HS2ST1: variants seen among roughly 807,000 people sequenced by gnomAD.
The protein encoded by HS2ST1 is heparan sulfate 2-O-sulfotransferase 1, also known as 2-O-sulfotransferase.
A neutral mutation model predicts 42.9 loss-of-function variants in HS2ST1; 18 were observed. The observed-to-expected ratio is 0.42, with a 90% CI of 0.29 to 0.62. The LOEUF (loss-of-function observed/expected upper bound fraction) is 0.62. HS2ST1 is among the 20% of genes least tolerant of loss of function. The pLI is 0.21. For synonymous variants in HS2ST1, 146 were observed against 152.9 expected (o/e 0.95, Z 0.33); for missense variants, 334 against 433.8 (o/e 0.77, Z 2.04).
chr1:87,046,242 G>A (rs1342361106), intron 1 of HS2ST1: 27 of 820,136 alleles, frequency 3.3e-5, no homozygotes, highest in East Asian at 5.8e-5. Flanking sequence ...TACTATCAAA[G>A]AGGGTGTGAC....
intron 1 of HS2ST1, among the ~76,000 whole-genome samples, chr1:86,961,156 C>T (rs1328379775): frequency 6.7e-6 from 1 of 148,532 alleles, no homozygotes; most frequent in Non-Finnish European, 1.5e-5. Context: ...AAAAAAAAAT[C>T]TACTTGGAGA....
intron 1 of HS2ST1, among the ~76,000 whole-genome samples, chr1:86,935,726 A>C (rs760353906): frequency 2.4e-4 from 36 of 151,982 alleles, no homozygotes; most frequent in Non-Finnish European, 2.8e-4. Context: ...GGCCTCCTAA[A>C]GTGCTGGAAT....
At chr1:87,064,823 G>A in intron 1 of HS2ST1, among the ~76,000 whole-genome samples, 1 of 152,080 alleles carries the variant, frequency 6.6e-6, no homozygotes, top group East Asian at 1.9e-4. Context: ...ACCACACTCA[G>A]CTAATTTTTA....
chr1:86,971,247 G>A (rs1648224111), intron 1 of HS2ST1, among the ~76,000 whole-genome samples: 2 of 152,012 alleles, frequency 1.3e-5, no homozygotes, highest in African/African-American at 2.4e-5. Flanking sequence ...CATTAGTGCT[G>A]TTAAGGCCTA....
At chr1:87,095,112 A>G (rs568220499) in intron 4 of HS2ST1, among the ~76,000 whole-genome samples, 1 of 152,106 alleles carries the variant, frequency 6.6e-6, no homozygotes, top group African/African-American at 2.4e-5. Context: ...GTTTATTGCA[A>G]ATAACTCCTT....
At chr1:87,057,700 A>T (rs2100619682) in intron 1 of HS2ST1, among the ~76,000 whole-genome samples, 1 of 151,992 alleles carries the variant, frequency 6.6e-6, no homozygotes, top group East Asian at 1.9e-4. Context: ...AAATACAAAA[A>T]ATTAGCCAGG....
intron 1 of HS2ST1, chr1:86,992,922 C>T (rs1649000714): frequency 1.6e-6 from 1 of 642,536 alleles, no homozygotes; most frequent in Admixed American, 3.3e-5. Flanking sequence ...AAAGTATGAG[C>T]TAACTGTAAT....
chr1:87,075,022 T>G (rs1175469165), intron 2 of HS2ST1, among the ~76,000 whole-genome samples: 2 of 152,108 alleles, frequency 1.3e-5, no homozygotes, highest in Non-Finnish European at 2.9e-5. Context: ...TCTAGTAAGC[T>G]TCATCTAAAT....
chr1:87,058,967 G>C (rs563948404), intron 1 of HS2ST1, among the ~76,000 whole-genome samples: 1 of 152,196 alleles, frequency 6.6e-6, no homozygotes, highest in African/African-American at 2.4e-5. Context: ...GTTGAGGCAG[G>C]AGAATGGCGT....
Position 87,084,197 on chromosome 1 carries a change from C to A in HS2ST1, c.367C>A (p.Arg123Ser), listed in dbSNP as rs371490979. 9 of 1,578,848 alleles carry A rather than the reference C, an allele frequency of 5.7e-6. No individual in the cohort carries two copies. Among genetic ancestry groups the A allele is most frequent in the South Asian group, 1.2e-5 (1 of 85,184 alleles). The change falls in exon 3 of 7, where the codon CGC becomes AGC. Residue 123 changes from arginine (R) to serine (S), a missense_variant. Coordinates refer to ENST00000370550, the MANE Select transcript of HS2ST1 (RefSeq NM_012262.4). ...NPVMSLQDQV[R>S]FVKNITSWKE... ...TGAATGTGTTCTCCCTTTTTAGGTGCGCTTTGTAAAGAATATAACTTCCTG... is the reference window on the plus strand; with the variant it reads ...TGAATGTGTTCTCCCTTTTTAGGTGAGCTTTGTAAAGAATATAACTTCCTG...
intron 1 of HS2ST1, among the ~76,000 whole-genome samples, chr1:86,977,907 T>C (rs1338445847): frequency 6.6e-6 from 1 of 152,252 alleles, no homozygotes; most frequent in African/African-American, 2.4e-5. Flanking sequence ...TACAGTCATG[T>C]ACCACATAAG....
intron 1 of HS2ST1, among the ~76,000 whole-genome samples, chr1:87,004,767 T>G (rs894197398): frequency 5.3e-5 from 8 of 152,194 alleles, no homozygotes; most frequent in Non-Finnish European, 1.0e-4. Flanking sequence ...GAGCTTCAAG[T>G]TTTTTGAAGA....
chr1:87,052,850 G>A (rs1268228592), intron 1 of HS2ST1, among the ~76,000 whole-genome samples: 1 of 152,136 alleles, frequency 6.6e-6, no homozygotes, highest in African/African-American at 2.4e-5. Flanking sequence ...TTCTTAATAA[G>A]CCAACAGAAA....
At chr1:87,073,834 C>T (rs540018529) in intron 2 of HS2ST1, among the ~76,000 whole-genome samples, 128 of 152,242 alleles carry the variant, frequency 8.4e-4, no homozygotes, top group African/African-American at 3.0e-3. Flanking sequence ...AAATAAAGTT[C>T]TCTCTATAAA....
chr1:87,080,809 G>T (rs1651666945), intron 2 of HS2ST1, among the ~76,000 whole-genome samples: 1 of 152,128 alleles, frequency 6.6e-6, no homozygotes, highest in African/African-American at 2.4e-5. Flanking sequence ...TTTGAATATG[G>T]TGCTGCCCTG....
intron 1 of HS2ST1, among the ~76,000 whole-genome samples, chr1:87,033,148 AT>A (rs1650282301): frequency 6.6e-6 from 1 of 152,224 alleles, no homozygotes; most frequent in Admixed American, 6.5e-5. Context: ...CATAAGTAGA[AT>A]AGTAAAATAT....
chr1:86,969,030 G>A (rs537352820), intron 1 of HS2ST1, among the ~76,000 whole-genome samples: 1 of 152,198 alleles, frequency 6.6e-6, no homozygotes, highest in African/African-American at 2.4e-5. Context: ...TGTAAGTAAG[G>A]TTGCTACAAA....
chr1:87,075,960 A>C (rs1161510769), intron 2 of HS2ST1, among the ~76,000 whole-genome samples: 1 of 152,186 alleles, frequency 6.6e-6, no homozygotes, highest in Middle Eastern at 3.2e-3. Context: ...AAGAAATAGA[A>C]AGCATGGCCA....
At chr1:87,098,682 C>A (rs923424449) in intron 5 of HS2ST1, among the ~76,000 whole-genome samples, 5 of 152,160 alleles carry the variant, frequency 3.3e-5, no homozygotes, top group Non-Finnish European at 5.9e-5. Flanking sequence ...GAATTGGAAG[C>A]CTATAAAGAA....
Sources: gnomAD v4.1 joint callset for allele counts (sites outside exome capture counted in the v4.1 genomes callset) on GRCh38, gnomAD v4.1.1 for gene constraint, MANE v1.5 for transcripts, NCBI Gene and HGNC (gene_info 2026-07-23, HGNC 2026-07-21) for gene names.